EPCAM: variants seen among roughly 807,000 people sequenced by gnomAD.
EPCAM encodes adenocarcinoma-associated antigen.
Under a neutral mutation model 40.0 loss-of-function variants are expected in EPCAM, and 39 were observed. The observed-to-expected ratio is 0.98, with a 90% CI of 0.76 to 1.27. The LOEUF is 1.27. Ranked by LOEUF, EPCAM falls within the 50% of genes most tolerant of loss-of-function variation. The pLI, the probability that EPCAM is intolerant of heterozygous loss-of-function variation, is 0.00. For missense variants in EPCAM, 503 were observed against 381.2 expected, an observed-to-expected ratio of 1.32 and a Z score of -2.66; for synonymous variants, 168 against 132.3, an observed-to-expected ratio of 1.27 and a Z score of -1.85.
At chr2:47,379,195 C>G (rs1189185381) in intron 6 of EPCAM, 141 bp downstream of exon 6, 1 of 661,830 alleles carries the variant, frequency 1.5e-6, no homozygotes, top group Non-Finnish European at 2.8e-6. Context: ...TCCTCCCTGT[C>G]ACTCACATGC....
rs778932754 is a variant in EPCAM at position 47,373,475 on chromosome 2, A to G, written c.89A>G (p.Glu30Gly). The G allele has an allele frequency of 6.2e-7, 1 of 1,611,188 alleles. No homozygotes were observed. Among genetic ancestry groups the G allele is most frequent in the Non-Finnish European group, 8.5e-7 (1 of 1,177,746 alleles). ...TTTAATTTTCTAGAATGTGTCTGTGAAAACTACAAGCTGGCCGTAAACTGC... is the reference window on the plus strand; with the variant it reads ...TTTAATTTTCTAGAATGTGTCTGTGGAAACTACAAGCTGGCCGTAAACTGC... ...FAAAQEECVCENYKLAVNCFV... is the reference protein window; with the variant it reads ...FAAAQEECVCGNYKLAVNCFV... Residue 30 changes from glutamate to glycine, a missense_variant, in exon 2 of 9, where the codon GAA becomes GGA. Coordinates refer to ENST00000263735, the MANE Select transcript of EPCAM (RefSeq NM_002354.3).
At position 47,379,007 on chromosome 2, in the gene EPCAM, C is replaced by T. The variant is rs1428265513; in HGVS notation, c.610C>T (p.Gln204Ter). 6.2e-7 allele frequency: 1 copy of T among 1,605,174 alleles called. No individual in the cohort carries two copies. Among genetic ancestry groups the T allele is most frequent in the Non-Finnish European group, 8.5e-7 (1 of 1,172,046 alleles). The change falls in exon 6 of 9, where the codon CAG (glutamine) becomes TAG (stop). Residue 204 changes from glutamine (Q) to a stop codon, truncating the protein, a stop_gained. Transcript: ENST00000263735. LOFTEE classifies it high-confidence loss of function. ...GGTTCAAAATTCTTCTCAAAAAACT[C>T]AGAATGATGTGGACATAGCTGATGT... is the stretch of plus-strand genomic sequence containing the variant. ...DLVQNSSQKT[Q>*]NDVDIADVAY...
intron 5 of EPCAM, chr2:47,377,770 A>G (rs1229738789): frequency 4.3e-6 from 2 of 464,820 alleles, no homozygotes; most frequent in East Asian, 7.2e-5. Flanking sequence ...TGGAGCTCCC[A>G]TCTTCTCTGC....
chr2:47,374,112 T>G (rs1024723828), intron 3 of EPCAM, 64 bp downstream of exon 3: 2 of 1,564,426 alleles, frequency 1.3e-6, no homozygotes. Flanking sequence ...TAAATTTATT[T>G]TTGATTATGT....
At chr2:47,375,367 A>G in intron 4 of EPCAM, 68 bp downstream of exon 4, 2 of 993,082 alleles carry the variant, frequency 2.0e-6, no homozygotes, top group Non-Finnish European at 3.2e-6. Context: ...CTACACCATT[A>G]GAAAAAGCAA....
intron 1 of EPCAM, among the ~76,000 whole-genome samples, chr2:47,372,912 A>G (rs914182047): frequency 2.0e-5 from 3 of 152,046 alleles, no homozygotes; most frequent in Non-Finnish European, 4.4e-5. Flanking sequence ...TTTTAAAAAA[A>G]TTGTAACAGG....
rs766626946 is a variant in EPCAM at position 47,373,957 on chromosome 2, G to T, written c.334G>T (p.Gly112Cys). 6.2e-7 allele frequency: 1 copy of T among 1,613,916 alleles called. No individual in the cohort carries two copies. Among genetic ancestry groups the T allele is most frequent in the Non-Finnish European group, 8.5e-7 (1 of 1,179,996 alleles). The stretch of plus-strand genomic sequence containing the variant: ...GCTCTTTAAGGCCAAGCAGTGCAAC[G>T]GCACCTCCATGTGCTGGTGTGTGAA... The part of the protein sequence containing the change: ...SGLFKAKQCN[G>C]TSMCWCVNTA... Residue 112 changes from glycine to cysteine, a missense_variant, in exon 3 of 9, where the codon GGC becomes TGC. Gly to Cys is a radical substitution (Grantham distance 159). Transcript: ENST00000263735.
At chr2:47,371,322 A>G (rs1671259153) in intron 1 of EPCAM, among the ~76,000 whole-genome samples, 1 of 151,396 alleles carries the variant, frequency 6.6e-6, no homozygotes. Context: ...GTGCAGTGGC[A>G]CATTTACATG....
intron 4 of EPCAM, among the ~76,000 whole-genome samples, chr2:47,376,046 A>G (rs542219752): frequency 3.7e-4 from 56 of 152,044 alleles, no homozygotes; most frequent in African/African-American, 1.2e-3. Flanking sequence ...TTTTCCCAAT[A>G]TTGTCCTTTG....
At chr2:47,369,633 GCGGCCCCCGGCCCT>G (rs1046612207) in intron 1 of EPCAM, 52 bp downstream of exon 1, 2 of 1,510,740 alleles carry the variant, frequency 1.3e-6, no homozygotes, top group Non-Finnish European at 1.8e-6. Context: ...CTGGGGGGCA[GCGGCCCCCGGCCCT>G]CGGCCCCCGA....
Position 47,379,899 on chromosome 2 carries a change from G to T in EPCAM, c.788G>T (p.Gly263Val), listed in dbSNP as rs770114313. 7 of 1,614,028 alleles carry T rather than the reference G, an allele frequency of 4.3e-6. No individual in the cohort carries two copies. In the South Asian group the frequency reaches 4.4e-5, roughly 10 times the overall value. Reference sequence around the variant, plus strand: ...AAAGCACCTGAATTCTCAATGCAGGGTCTAAAAGCTGGTGTTATTGCTGTT... The same window carrying T: ...AAAGCACCTGAATTCTCAATGCAGGTTCTAAAAGCTGGTGTTATTGCTGTT... ...DEKAPEFSMQ[G>V]LKAGVIAVIV... The change falls in exon 7 of 9, where the codon GGT becomes GTT. Residue 263 changes from glycine to valine, a missense_variant. Gly to Val is a moderately radical substitution (Grantham distance 109). Coordinates refer to ENST00000263735, the MANE Select transcript of EPCAM (RefSeq NM_002354.3).
At chr2:47,377,943 A>G (rs879643318) in intron 5 of EPCAM, among the ~76,000 whole-genome samples, 1 of 152,084 alleles carries the variant, frequency 6.6e-6, no homozygotes, top group Non-Finnish European at 1.5e-5. Context: ...CTTTAAAAAC[A>G]AAATGATGGC....
At chr2:47,373,756 G>T (rs373488626) in intron 2 of EPCAM, 52 bp from the exon 3 acceptor site, 2 of 1,602,936 alleles carry the variant, frequency 1.2e-6, no homozygotes, top group South Asian at 2.3e-5. Context: ...TTTTTTTCCC[G>T]TAATCATGAA....
intron 7 of EPCAM, 66 bp from the exon 8 acceptor site, chr2:47,385,100 T>C (rs1319400386): frequency 6.0e-6 from 7 of 1,175,488 alleles, no homozygotes; most frequent in African/African-American, 3.0e-5. Flanking sequence ...AAAGCATATA[T>C]GTCTGTTTAG....
chr2:47,376,946 G>A (rs1459245319), intron 4 of EPCAM, 68 bp from the exon 5 acceptor site: 1 of 1,047,416 alleles, frequency 9.5e-7, no homozygotes, highest in East Asian at 2.4e-5. Flanking sequence ...TCTGCTTAAA[G>A]AGTAGTGCTT....
In EPCAM at chr2:47,386,674, G is replaced by A; in HGVS notation, c.*61G>A. On this transcript the variant is annotated 3_prime_UTR_variant, in exon 9 of 9. Coordinates refer to ENST00000263735, the MANE Select transcript of EPCAM (RefSeq NM_002354.3). The stretch of plus-strand genomic sequence containing the variant: ...GCAAATGGACACAAATTACAAATGT[G>A]TGTGCGTGGGACGAAGACATCTTTG... 1 of 1,294,718 alleles carries A rather than the reference G, an allele frequency of 7.7e-7. No individual in the cohort carries two copies. Among genetic ancestry groups the A allele is most frequent in the Non-Finnish European group, 1.1e-6 (1 of 891,842 alleles). 80.2% of individuals were successfully genotyped at this position (1,294,718 alleles called of 1,614,324 possible).
intron 3 of EPCAM, among the ~76,000 whole-genome samples, chr2:47,374,512 A>G (rs573777609): frequency 2.6e-5 from 4 of 152,328 alleles, no homozygotes; most frequent in African/African-American, 9.6e-5. Flanking sequence ...AAAAGACTTC[A>G]TTGGAAGGGA....
rs371270764 is a variant in EPCAM, at chr2:47,374,059, C to T, written c.425+11C>T. ...GCGAGTGAGAACCTAGTGAGTGGGGCTGCCTATACTACTTGTTTTCATGCT... is the reference window on the plus strand; with the variant it reads ...GCGAGTGAGAACCTAGTGAGTGGGGTTGCCTATACTACTTGTTTTCATGCT... On this transcript the variant is annotated intron_variant, in intron 3 of 8. Transcript: ENST00000263735. 6.8e-6 allele frequency: 11 copies of T among 1,613,816 alleles called. No individual in the cohort carries two copies. In the African/African-American group the frequency reaches 1.5e-4, roughly 22 times the overall value.
At chr2:47,381,111 AAAAGG>A (rs1671577248) in intron 7 of EPCAM, among the ~76,000 whole-genome samples, 1 of 120,012 alleles carries the variant, frequency 8.3e-6, no homozygotes, top group Non-Finnish European at 1.7e-5. Context: ...AAAAAAAAAA[AAAAGG>A]CCAGGCACAG....
Sources: gnomAD v4.1 joint callset for allele counts (sites outside exome capture counted in the v4.1 genomes callset) on GRCh38, gnomAD v4.1.1 for gene constraint, MANE v1.5 for transcripts, NCBI Gene and HGNC (gene_info 2026-07-23, HGNC 2026-07-21) for gene names.